Variants in SCML2 observed in about 807,000 individuals in gnomAD.
SCML2 encodes Scm polycomb group protein like 2, also known as sex comb on midleg-like protein 2.
In SCML2, 6 loss-of-function variants were observed where a neutral mutation model predicts 48.4. The ratio of observed to expected loss-of-function variants is 0.12; its 90% CI spans 0.07 to 0.24. The LOEUF is 0.24. Ranked by LOEUF, SCML2 falls within the 10% of genes least tolerant of loss-of-function variation. SCML2 has a pLI of 1.00. For synonymous variants in SCML2, 181 were observed against 189.5 expected, an observed-to-expected ratio of 0.95 and a Z score of 0.37; for missense variants, 377 against 528.2, an observed-to-expected ratio of 0.71 and a Z score of 2.81.
At chrX:18,336,267 C>G (rs892118458) in intron 1 of SCML2, among the ~76,000 whole-genome samples, 21 of 108,555 alleles carry the variant, frequency 1.9e-4, no homozygotes, top group Non-Finnish European at 3.1e-4. Context: ...GGTGAAACCC[C>G]GTCTCTACTA....
rs776796460 is a variant in SCML2 at position 18,337,981 on chromosome X, G to C, written c.-24-3886C>G. ...AAAGCTGAAAAACTCCCAAATATTT[G>C]GAGATTAATCAACACACTCTGAAAT... is the stretch of plus-strand genomic sequence containing the variant. On this transcript the variant is annotated intron_variant, in intron 1 of 14. Coordinates refer to ENST00000251900, the MANE Select transcript of SCML2 (RefSeq NM_006089.3). Among the ~76,000 whole-genome samples the C allele has an allele frequency of 2.7e-5, 3 of 112,073 alleles. No individual in the cohort carries two copies. The South Asian group carries it at 1.1e-3, about 41-fold the overall frequency.
intron 7 of SCML2, among the ~76,000 whole-genome samples, chrX:18,271,094 G>C (rs925211503): frequency 3.6e-5 from 4 of 111,259 alleles, no homozygotes; most frequent in African/African-American, 1.3e-4. Flanking sequence ...AAGGAGTAAA[G>C]CCAACAGGGG....
At chrX:18,257,460 C>T (rs1009035042) in intron 10 of SCML2, among the ~76,000 whole-genome samples, 3 of 111,890 alleles carry the variant, frequency 2.7e-5, no homozygotes, top group Non-Finnish European at 5.6e-5. Flanking sequence ...GCATGTAAAA[C>T]GAAGAATCTG....
chrX:18,346,987 A>G (rs771238766), intron 1 of SCML2, among the ~76,000 whole-genome samples: 3 of 112,160 alleles, frequency 2.7e-5, no homozygotes, highest in African/African-American at 9.7e-5. Context: ...AACATGAGTC[A>G]TCACATTAAG....
chrX:18,350,326 A>C (rs1268507554), intron 1 of SCML2, among the ~76,000 whole-genome samples: 3 of 109,150 alleles, frequency 2.7e-5, no homozygotes, highest in African/African-American at 1.0e-4. Flanking sequence ...TAATCCCAGC[A>C]CTTGGAGAGG....
intron 10 of SCML2, 38 bp from the exon 11 acceptor site, chrX:18,257,068 G>C (rs1926874407): frequency 1.0e-6 from 1 of 978,090 alleles, no homozygotes; most frequent in Non-Finnish European, 1.4e-6. Flanking sequence ...TAACCTCAGA[G>C]AGATGAGAAA....
intron 6 of SCML2, among the ~76,000 whole-genome samples, chrX:18,307,286 C>T (rs1242179452): frequency 1.0e-5 from 1 of 96,115 alleles, no homozygotes; most frequent in African/African-American, 3.8e-5. Context: ...GACTCTGCCT[C>T]AAAAAAAAAA....
At chrX:18,285,960 C>T (rs947716173) in intron 7 of SCML2, among the ~76,000 whole-genome samples, 3 of 111,709 alleles carry the variant, frequency 2.7e-5, no homozygotes, top group African/African-American at 9.7e-5. Flanking sequence ...ATTCTGTGTA[C>T]ATAGAATAGA....
intron 1 of SCML2, among the ~76,000 whole-genome samples, chrX:18,345,954 G>A (rs1472955978): frequency 9.8e-6 from 1 of 102,094 alleles, no homozygotes; most frequent in African/African-American, 3.6e-5. Context: ...TAGTAGAGAC[G>A]ATGGCTCACT....
chrX:18,325,261 A>G lies in SCML2; in HGVS notation c.92-284T>C, dbSNP rs961515951. Reference sequence around the variant, plus strand: ...CAGCACAGTGATTCTAAAAATGTGGACGTTAGAAATAACTAAAGAAATTGT... The same window carrying G: ...CAGCACAGTGATTCTAAAAATGTGGGCGTTAGAAATAACTAAAGAAATTGT... On this transcript the variant is annotated intron_variant, in intron 3 of 14. Transcript: ENST00000251900. 3.3e-4 allele frequency among the ~76,000 whole-genome samples: 37 copies of G among 112,067 alleles called. 1 individual carries two copies. The highest frequency in any genetic ancestry group is 1.2e-3 in the African/African-American group (37 of 30,925).
At chrX:18,277,276 G>T (rs955088070) in intron 7 of SCML2, among the ~76,000 whole-genome samples, 1 of 111,110 alleles carries the variant, frequency 9.0e-6, no homozygotes, top group Non-Finnish European at 1.9e-5. Context: ...TCACCATGTT[G>T]CCCAGGCTGG....
At chrX:18,284,762 C>T (rs772251075) in intron 7 of SCML2, among the ~76,000 whole-genome samples, 5 of 112,358 alleles carry the variant, frequency 4.5e-5, no homozygotes, top group Non-Finnish European at 9.4e-5. Flanking sequence ...CAGACGTGGC[C>T]GGGTGTGGTG....
chrX:18,280,149 G>C (rs981526655), intron 7 of SCML2, among the ~76,000 whole-genome samples: 13 of 111,813 alleles, frequency 1.2e-4, no homozygotes. Flanking sequence ...AATCCCATCA[G>C]ACTATCAGTA....
intron 6 of SCML2, among the ~76,000 whole-genome samples, chrX:18,309,218 A>C (rs1016412922): frequency 2.9e-5 from 3 of 104,834 alleles, no homozygotes; most frequent in South Asian, 4.2e-4. Context: ...AAAAAAAAAA[A>C]CCCACAATGA....
At chrX:18,293,876 C>T (rs1928307982) in intron 7 of SCML2, among the ~76,000 whole-genome samples, 1 of 112,101 alleles carries the variant, frequency 8.9e-6, no homozygotes. Context: ...TGGCTGCCAA[C>T]CTGGTATTTT....
At chrX:18,304,257 C>T (rs1928687582) in intron 7 of SCML2, among the ~76,000 whole-genome samples, 1 of 111,555 alleles carries the variant, frequency 9.0e-6, no homozygotes, top group South Asian at 3.8e-4. Flanking sequence ...GGGTTCTATG[C>T]TTAGACCCCA....
chrX:18,241,480 T>C, intron 14 of SCML2, 101 bp from the exon 15 acceptor site: 2 of 510,653 alleles, frequency 3.9e-6, no homozygotes, highest in Non-Finnish European at 5.8e-6. Flanking sequence ...TCCGGATATA[T>C]ATTCTCTGAA....
chrX:18,305,308 C>A (rs1928723927), intron 6 of SCML2, 93 bp from the exon 7 acceptor site: 1 of 811,675 alleles, frequency 1.2e-6, no homozygotes, highest in Non-Finnish European at 1.7e-6. Flanking sequence ...CTCTCACAAC[C>A]CTTAGCAACC....
intron 6 of SCML2, among the ~76,000 whole-genome samples, chrX:18,310,100 G>C (rs1928898877): frequency 1.8e-5 from 2 of 111,163 alleles, no homozygotes; most frequent in Non-Finnish European, 3.8e-5. Context: ...TAAAGAATTT[G>C]GTTTGTCATC....
Sources: gnomAD v4.1 joint callset for allele counts (sites outside exome capture counted in the v4.1 genomes callset) on GRCh38, gnomAD v4.1.1 for gene constraint, MANE v1.5 for transcripts, NCBI Gene and HGNC (gene_info 2026-07-23, HGNC 2026-07-21) for gene names.